The following CC2D1A variants were observed in gnomAD, a reference collection of about 807,000 sequenced individuals.
The protein encoded by CC2D1A is coiled-coil and C2 domain containing 1A.
In CC2D1A, 68 loss-of-function variants were observed where a neutral mutation model predicts 123.8. The observed-to-expected ratio is 0.55, with a 90% CI of 0.45 to 0.67. CC2D1A has a LOEUF of 0.67. Ranked by LOEUF, CC2D1A falls within the 30% of genes least tolerant of loss-of-function variation. CC2D1A has a pLI of 0.00. For synonymous variants in CC2D1A, 477 were observed against 528.0 expected, an observed-to-expected ratio of 0.90 and a Z score of 1.32; for missense variants, 1,185 against 1,290.3, an observed-to-expected ratio of 0.92 and a Z score of 1.25.
rs201177183 is a variant in CC2D1A, at chr19:13,919,172, G to C, written c.1192G>C (p.Val398Leu). Residue 398 changes from valine (V) to leucine (L), a missense_variant, in exon 11 of 29, where the codon GTG (valine) becomes CTG (leucine). Coordinates refer to ENST00000318003, the MANE Select transcript of CC2D1A (RefSeq NM_017721.5). The stretch of plus-strand genomic sequence containing the variant: ...CCGAGCCCACAAGGCTGGCCGAGCC[G>C]TGGATGTCGCTGAATTGCCCGTGCC... ...AIRAHKAGRA[V>L]DVAELPVPPG... The C allele has an allele frequency of 1.2e-6, 2 of 1,613,000 alleles. No individual in the cohort carries two copies. Among genetic ancestry groups the C allele is most frequent in the Non-Finnish European group, 8.5e-7 (1 of 1,179,536 alleles).
rs1370067903 is a variant in CC2D1A, at chr19:13,920,595, C to T, written c.1395C>T (p.Ala465=). 2 of 1,609,978 alleles carry T rather than the reference C, an allele frequency of 1.2e-6. No individual in the cohort carries two copies. Among genetic ancestry groups the T allele is most frequent in the Admixed American group, 3.4e-5 (2 of 59,522 alleles). The change falls in exon 13 of 29, where the codon GCC becomes GCT. Residue 465 remains alanine, a synonymous_variant. Coordinates refer to ENST00000318003, the MANE Select transcript of CC2D1A (RefSeq NM_017721.5). ...SPVAPTAQPK[A]PPSRTPQSGS... Reference sequence around the variant, plus strand: ...TGGCCCCCACAGCCCAGCCCAAAGCCCCACCCTCAAGAACTCCCCAGTCGG... The same window carrying T: ...TGGCCCCCACAGCCCAGCCCAAAGCTCCACCCTCAAGAACTCCCCAGTCGG...
chr19:13,922,847 C>A (rs1298976054), intron 14 of CC2D1A, among the ~76,000 whole-genome samples: 1 of 152,100 alleles, frequency 6.6e-6, no homozygotes, highest in Non-Finnish European at 1.5e-5. Flanking sequence ...TACATGATTT[C>A]TGGGGTGACT....
At chr19:13,912,462 G>T (rs1044919278) in intron 3 of CC2D1A, 24 bp downstream of exon 3, 2 of 1,613,850 alleles carry the variant, frequency 1.2e-6, no homozygotes, top group Admixed American at 1.7e-5. Context: ...GCGGGGTGGG[G>T]GCTCTGATCC....
At chr19:13,908,972 G>T (rs1970893271) in intron 1 of CC2D1A, among the ~76,000 whole-genome samples, 1 of 151,568 alleles carries the variant, frequency 6.6e-6, no homozygotes, top group Non-Finnish European at 1.5e-5. Context: ...TGTTGCCCAG[G>T]CGGAGTGCCG....
At chr19:13,921,156 C>T (rs139018361) in intron 14 of CC2D1A, among the ~76,000 whole-genome samples, 1,601 of 152,358 alleles carry the variant, frequency 0.011, 14 homozygotes, top group Middle Eastern at 0.041. Context: ...GTTTCTTCCA[C>T]CTTATTGCTT....
In CC2D1A at chr19:13,930,213, A is replaced by T. The variant is rs1971850820; in HGVS notation, c.2788-29A>T. The T allele has an allele frequency of 1.2e-6, 2 of 1,613,766 alleles. No homozygotes were observed. Among genetic ancestry groups the T allele is most frequent in the Non-Finnish European group, 1.7e-6 (2 of 1,179,842 alleles). On this transcript the variant is annotated intron_variant, in intron 27 of 28. Transcript: ENST00000318003. This position sits in a 1 kb window ranked among gnomAD's most constrained non-coding sequence, Gnocchi z 6.8. ...AGCGGGCAGGGTGGGGCCTGCAGGG[A>T]CTACCTGCTGAATGCCCATCCCCCA...
chr19:13,919,123 C>T lies in CC2D1A; in HGVS notation c.1150-7C>T. On this transcript the variant is annotated splice_polypyrimidine_tract_variant and splice_region_variant and intron_variant, in intron 10 of 28. Transcript: ENST00000318003. ...ACAGGCAGCCCTAACACCTGTGGCC[C>T]TCGCAGCAATACCAAGATGCCATCC... is the stretch of plus-strand genomic sequence containing the variant. 1 of 1,611,684 alleles carries T rather than the reference C, an allele frequency of 6.2e-7. No homozygotes were observed. The highest frequency in any genetic ancestry group is 8.5e-7 in the Non-Finnish European group (1 of 1,178,762).
At position 13,929,428 on chromosome 19, in the gene CC2D1A, C is replaced by G. The variant is rs1212503801; in HGVS notation, c.2569C>G (p.Arg857Gly). ...SLSVLAFDQE[R>G]LERKILALRQ... ...CAGTGTGCTGGCGTTTGACCAAGAG[C>G]GTCTGGAGCGGAAGGTGGGTATCCA... Residue 857 changes from arginine (R) to glycine (G), a missense_variant, in exon 25 of 29, where the codon CGT (arginine) becomes GGT (glycine). By Grantham distance (125) the Arg-to-Gly change is moderately radical. Coordinates refer to ENST00000318003, the MANE Select transcript of CC2D1A (RefSeq NM_017721.5). 1.2e-6 allele frequency: 2 copies of G among 1,613,360 alleles called. No homozygotes were observed. Among genetic ancestry groups the G allele is most frequent in the Admixed American group, 3.3e-5 (2 of 59,964 alleles).
intron 17 of CC2D1A, among the ~76,000 whole-genome samples, chr19:13,925,899 G>A (rs1233762880): frequency 6.6e-5 from 8 of 121,012 alleles, no homozygotes; most frequent in African/African-American, 2.0e-4. Flanking sequence ...CAGCCTGGGC[G>A]ACAGAGCAAG....
intron 17 of CC2D1A, among the ~76,000 whole-genome samples, chr19:13,924,937 C>T (rs1262564409): frequency 6.6e-6 from 1 of 152,138 alleles, no homozygotes; most frequent in Non-Finnish European, 1.5e-5. Context: ...CCACAAGGGA[C>T]TCTTTTTGGT....
chr19:13,928,316 C>T, intron 24 of CC2D1A, 128 bp downstream of exon 24: 1 of 774,936 alleles, frequency 1.3e-6, no homozygotes. Flanking sequence ...TCTTGGCACC[C>T]CTTTTCCCAG....
intron 24 of CC2D1A, 99 bp from the exon 25 acceptor site, chr19:13,929,280 C>T (rs1599410752): frequency 7.9e-7 from 1 of 1,265,196 alleles, no homozygotes; most frequent in African/African-American, 1.5e-5. Context: ...GCAGGGATTA[C>T]AGGCGTGAGC....
Position 13,929,590 on chromosome 19 carries a change from C to G in CC2D1A, c.2640C>G (p.Tyr880Ter). The G allele has an allele frequency of 6.2e-7, 1 of 1,606,062 alleles. No homozygotes were observed. Among genetic ancestry groups the G allele is most frequent in the Non-Finnish European group, 8.5e-7 (1 of 1,177,892 alleles). ...RPVPPEVAQQ[Y>*]QDIMQRSQWQ... ...TGCCCCCAGAAGTGGCCCAGCAGTA[C>G]CAGGACATCATGCAACGCAGCCAGT... is the stretch of plus-strand genomic sequence containing the variant. The change falls in exon 26 of 29, where the codon TAC (tyrosine) becomes TAG (stop). Residue 880 changes from tyrosine to a stop codon, truncating the protein, a stop_gained. Transcript: ENST00000318003. LOFTEE classifies it high-confidence loss of function.
At chr19:13,925,438 G>A (rs1198081649) in intron 17 of CC2D1A, among the ~76,000 whole-genome samples, 2 of 152,022 alleles carry the variant, frequency 1.3e-5, no homozygotes, top group Admixed American at 1.3e-4. Context: ...AAATTATCCG[G>A]GCGTGGTGGT....
At chr19:13,909,007 C>T (rs899309207) in intron 1 of CC2D1A, among the ~76,000 whole-genome samples, 1 of 151,524 alleles carries the variant, frequency 6.6e-6, no homozygotes, top group Non-Finnish European at 1.5e-5. Context: ...CTCACTGCAG[C>T]CTTGATCTCC....
Position 13,913,071 on chromosome 19 carries a change from C to T in CC2D1A, c.379-97C>T, listed in dbSNP as rs1971060015. The T allele has an allele frequency of 2.3e-6, 3 of 1,319,406 alleles. No individual in the cohort carries two copies. In the African/African-American group the frequency reaches 4.5e-5, roughly 20 times the overall value. The allele number at this position is 1,319,406 out of a possible 1,614,324, so 81.7% of individuals were successfully genotyped here. Reference sequence around the variant, plus strand: ...CCTCACTGGGGCAGGGGAGGCTGGTCCAGGGATGACATGGGGCCGACTGTT... The same window carrying T: ...CCTCACTGGGGCAGGGGAGGCTGGTTCAGGGATGACATGGGGCCGACTGTT... On this transcript the variant is annotated intron_variant, in intron 4 of 28. Transcript: ENST00000318003.
intron 7 of CC2D1A, 35 bp downstream of exon 7, chr19:13,918,229 G>T: frequency 6.7e-7 from 1 of 1,501,936 alleles, no homozygotes; most frequent in Admixed American, 2.5e-5. Context: ...CTGGAGGGAT[G>T]GGGCAGGATG....
rs1291334923 is a variant in CC2D1A at position 13,913,653 on chromosome 19, G to A, written c.748+15G>A. ...GATGCCCCCAGGTAGGTGATGGGCA[G>A]GGCCGGGCTGATATGGGATCCGAGT... On this transcript the variant is annotated intron_variant, in intron 6 of 28. Transcript: ENST00000318003. 1.3e-6 allele frequency: 2 copies of A among 1,571,514 alleles called. No homozygotes were observed. Among genetic ancestry groups the A allele is most frequent in the Non-Finnish European group, 1.7e-6 (2 of 1,154,998 alleles).
rs1224191099 is a variant in CC2D1A at position 13,918,542 on chromosome 19, G to A, written c.912G>A (p.Glu304=). The A allele has an allele frequency of 1.2e-6, 2 of 1,613,796 alleles. No individual in the cohort carries two copies. Among genetic ancestry groups the A allele is most frequent in the Non-Finnish European group, 8.5e-7 (1 of 1,179,966 alleles). ...DAVLEALSRG[E]PVDLSCLPPP... Reference sequence around the variant, plus strand: ...TCTTGGAGGCCCTGAGCCGGGGTGAGCCCGTGGACCTCTCCTGCCTGCCCC... The same window carrying A: ...TCTTGGAGGCCCTGAGCCGGGGTGAACCCGTGGACCTCTCCTGCCTGCCCC... Residue 304 remains glutamate, a synonymous_variant, in exon 8 of 29, where the codon GAG becomes GAA. Coordinates refer to ENST00000318003, the MANE Select transcript of CC2D1A (RefSeq NM_017721.5).
Sources: gnomAD v4.1 joint callset for allele counts (sites outside exome capture counted in the v4.1 genomes callset) on GRCh38, gnomAD v4.1.1 for gene constraint, Gnocchi (gnomAD v3.1) non-coding constraint, MANE v1.5 for transcripts, NCBI Gene and HGNC (gene_info 2026-07-23, HGNC 2026-07-21) for gene names.